The following GRM7 variants were observed in gnomAD, a reference collection of about 807,000 sequenced individuals.
The protein encoded by GRM7 is glutamate metabotropic receptor 7, also known as metabotropic glutamate receptor 7.
Under a neutral mutation model 84.5 loss-of-function variants are expected in GRM7, and 35 were observed. That is an observed-to-expected ratio of 0.41 (90% CI 0.32 to 0.55). GRM7 has a LOEUF of 0.55. Among genes scored for constraint, GRM7 ranks in the 20% least tolerant of loss-of-function variants. The pLI is 0.19. For synonymous variants in GRM7, 487 were observed against 455.1 expected, an observed-to-expected ratio of 1.07 and a Z score of -0.89; for missense variants, 1,003 against 1,194.6, an observed-to-expected ratio of 0.84 and a Z score of 2.36.
rs1696108942 is a variant in GRM7 at position 7,415,165 on chromosome 3, T to A, written c.1174+2T>A. On this transcript the variant is annotated splice_donor_variant, in intron 5 of 9. Coordinates refer to ENST00000357716, the MANE Select transcript of GRM7 (RefSeq NM_000844.4). LOFTEE classifies it high-confidence loss of function. ...AAGACACAGATCGCAAATGCACAGG[T>A]AATTTAATTCTCGTTGTCCTTCTCC... 6.2e-7 allele frequency: 1 copy of A among 1,611,850 alleles called. No homozygotes were observed. Among genetic ancestry groups the A allele is most frequent in the Non-Finnish European group, 8.5e-7 (1 of 1,178,268 alleles).
intron 2 of GRM7, among the ~76,000 whole-genome samples, chr3:7,287,714 T>C (rs1394383547): frequency 1.3e-5 from 2 of 152,098 alleles, no homozygotes. Context: ...TACCGATAAA[T>C]AGCAAGGTTT....
At position 7,095,695 on chromosome 3, in the gene GRM7, A is replaced by G. The variant is rs980016773; in HGVS notation, c.520-50757A>G. ...AATACAGAGATGACATAAAATATAA[A>G]GCATCATAGAGAGTGGGATCAGTAT... On this transcript the variant is annotated intron_variant, in intron 1 of 9. Transcript: ENST00000357716. Among the ~76,000 whole-genome samples the G allele has an allele frequency of 1.1e-4, 16 of 152,290 alleles. 2 individuals carry two copies. Among genetic ancestry groups the G allele is most frequent in the Admixed American group, 5.2e-4 (8 of 15,290 alleles).
chr3:7,606,223 A>G (rs1402323594), intron 8 of GRM7, among the ~76,000 whole-genome samples: 2 of 152,212 alleles, frequency 1.3e-5, no homozygotes, highest in Non-Finnish European at 2.9e-5. Flanking sequence ...CATAGTAGTA[A>G]CAGAGCAAAT....
rs554711199 is a variant in GRM7 at position 6,861,271 on chromosome 3, G to A, written c.-118G>A. The A allele has an allele frequency of 1.5e-5, 12 of 791,388 alleles. No homozygotes were observed. Among genetic ancestry groups the A allele is most frequent in the East Asian group, 6.8e-5 (2 of 29,628 alleles). 49.0% of individuals were successfully genotyped at this position (791,388 alleles called of 1,614,324 possible). On this transcript the variant is annotated 5_prime_UTR_variant, in exon 1 of 10. The change creates a new upstream start codon in the 5' untranslated region. Transcript: ENST00000357716. This position sits in a 1 kb window ranked among gnomAD's most constrained non-coding sequence, Gnocchi z 6.4. ...CCCTCCCCGGATTCCCCCACCCTCC[G>A]TGCCTGCAGGAGCCCCTGGGCTTTC...
chr3:6,940,029 A>G (rs1350270755), intron 1 of GRM7, among the ~76,000 whole-genome samples: 1 of 152,204 alleles, frequency 6.6e-6, no homozygotes, highest in African/African-American at 2.4e-5. Context: ...AATATAGGGT[A>G]TTTGGAAATA....
intron 7 of GRM7, among the ~76,000 whole-genome samples, chr3:7,482,606 A>G (rs569192100): frequency 1.1e-4 from 16 of 152,162 alleles, no homozygotes; most frequent in African/African-American, 3.9e-4. Context: ...ATAAGATATA[A>G]AGGAGGCAAT....
chr3:7,236,323 T>G (rs150762418), intron 2 of GRM7, among the ~76,000 whole-genome samples: 89 of 152,326 alleles, frequency 5.8e-4, no homozygotes, highest in African/African-American at 2.1e-3. Context: ...TTTTCAGTGC[T>G]TTGTCTTACT....
At chr3:7,029,301 C>CAAAAAAAAAAAAAAAAAA (rs57622634) in intron 1 of GRM7, among the ~76,000 whole-genome samples, 2 of 55,208 alleles carry the variant, frequency 3.6e-5, no homozygotes, top group African/African-American at 8.5e-5. Flanking sequence ...GACTCTGCCT[C>CAAAAAAAAAAAAAAAAAA]AAAAAAAAAA....
intron 8 of GRM7, among the ~76,000 whole-genome samples, chr3:7,654,484 G>A (rs1699094913): frequency 6.6e-6 from 1 of 152,188 alleles, no homozygotes; most frequent in South Asian, 2.1e-4. Flanking sequence ...GAGGGAATCA[G>A]AAGCTGTCCT....
chr3:7,162,777 T>TTTTTTTG (rs1694673054), intron 2 of GRM7, among the ~76,000 whole-genome samples: 1 of 103,258 alleles, frequency 9.7e-6, no homozygotes, highest in Non-Finnish European at 1.9e-5. Flanking sequence ...TTTTTTTTTT[T>TTTTTTTG]GAGATGGAGT....
chr3:7,506,060 A>G (rs1337576699), intron 7 of GRM7, among the ~76,000 whole-genome samples: 2 of 152,208 alleles, frequency 1.3e-5, no homozygotes, highest in Non-Finnish European at 2.9e-5. Flanking sequence ...GTAAGTGGTT[A>G]AAAATAGCCA....
At chr3:6,875,337 T>C (rs971861473) in intron 1 of GRM7, among the ~76,000 whole-genome samples, 3 of 152,064 alleles carry the variant, frequency 2.0e-5, no homozygotes, top group African/African-American at 7.2e-5. Context: ...ATTGTAATAA[T>C]CCCCATGTGC....
At chr3:6,872,371 C>T (rs1205003861) in intron 1 of GRM7, among the ~76,000 whole-genome samples, 1 of 152,204 alleles carries the variant, frequency 6.6e-6, no homozygotes, top group African/African-American at 2.4e-5. Context: ...CTCTTACTCT[C>T]AGTCTTGCTC....
At chr3:7,588,525 A>C (rs1347714652) in intron 8 of GRM7, among the ~76,000 whole-genome samples, 1 of 152,208 alleles carries the variant, frequency 6.6e-6, no homozygotes, top group Non-Finnish European at 1.5e-5. Context: ...GCCCCTGTGG[A>C]ATATCCCAAC....
At chr3:7,448,462 A>G (rs910661484) in intron 5 of GRM7, among the ~76,000 whole-genome samples, 1 of 152,216 alleles carries the variant, frequency 6.6e-6, no homozygotes, top group Non-Finnish European at 1.5e-5. Flanking sequence ...TGAAAAGTCC[A>G]GAAATCCTTA....
intron 8 of GRM7, among the ~76,000 whole-genome samples, chr3:7,643,024 A>C (rs1698433242): frequency 6.6e-6 from 1 of 152,180 alleles, no homozygotes; most frequent in Non-Finnish European, 1.5e-5. Context: ...AAGTCTCCTG[A>C]GTCCTTAAGA....
At chr3:7,394,593 A>G (rs1559291077) in intron 4 of GRM7, among the ~76,000 whole-genome samples, 1 of 152,054 alleles carries the variant, frequency 6.6e-6, no homozygotes, top group Non-Finnish European at 1.5e-5. Context: ...TCCATATTTC[A>G]TCTTCTTTTT....
chr3:7,300,208 T>C (rs1232956989), intron 3 of GRM7, among the ~76,000 whole-genome samples: 1 of 152,192 alleles, frequency 6.6e-6, no homozygotes, highest in East Asian at 1.9e-4. Context: ...AATCTTTTAT[T>C]CAGGGTAAAG....
intron 7 of GRM7, among the ~76,000 whole-genome samples, chr3:7,508,536 T>C (rs1319239287): frequency 6.6e-6 from 1 of 152,186 alleles, no homozygotes; most frequent in African/African-American, 2.4e-5. Context: ...ACCTGCTAAA[T>C]ACTCATGAAT....
Sources: allele counts gnomAD v4.1 joint callset (sites outside exome capture counted in the v4.1 genomes callset), GRCh38; gene constraint gnomAD v4.1.1; non-coding constraint Gnocchi (gnomAD v3.1); transcripts MANE v1.5; gene names NCBI Gene and HGNC (gene_info 2026-07-23, HGNC 2026-07-21).